ZDHHC16: variants seen among roughly 807,000 people sequenced by gnomAD.
ZDHHC16 encodes the protein palmitoyltransferase ZDHHC16.
ZDHHC16 carries 33 observed loss-of-function variants against 54.4 expected under a neutral mutation model. The observed-to-expected ratio is 0.61, with a 90% CI of 0.46 to 0.81. The LOEUF is 0.81. Among genes scored for constraint, ZDHHC16 ranks in the 30% least tolerant of loss-of-function variants. ZDHHC16 has a pLI of 0.00. For missense variants in ZDHHC16, 420 were observed against 485.9 expected, an observed-to-expected ratio of 0.86 and a Z score of 1.28; for synonymous variants, 185 against 182.1, an observed-to-expected ratio of 1.02 and a Z score of -0.13.
chr10:97,448,745 G>A (rs1380502000), intron 1 of ZDHHC16, among the ~76,000 whole-genome samples: 4 of 152,146 alleles, frequency 2.6e-5, no homozygotes, highest in Non-Finnish European at 4.4e-5. Context: ...GCAACAGAGC[G>A]AGACTTCATC....
intron 1 of ZDHHC16, among the ~76,000 whole-genome samples, 163 bp downstream of exon 1, chr10:97,446,516 C>G (rs531249989): frequency 1.9e-4 from 29 of 152,332 alleles, no homozygotes; most frequent in African/African-American, 5.1e-4. Flanking sequence ...GCAATCGTTA[C>G]GCTCAGAGCA....
Position 97,455,710 on chromosome 10 carries a change from T to A in ZDHHC16, c.875T>A (p.Ile292Asn). The A allele has an allele frequency of 6.2e-7, 1 of 1,614,178 alleles. No homozygotes were observed. Reference protein sequence around the residue: ...GALTVWHAVLISRGETSIERH... With the variant: ...GALTVWHAVLNSRGETSIERH... The stretch of plus-strand genomic sequence containing the variant: ...CTAACTGTATGGCATGCTGTTCTCA[T>A]CAGTCGAGGTGAGACTAGCATCGAA... The change falls in exon 10 of 12, where the codon ATC becomes AAC. Residue 292 changes from isoleucine to asparagine, a missense_variant. By Grantham distance (149) the Ile-to-Asn change is moderately radical (BLOSUM62 -3). Transcript: ENST00000393760.
Position 97,455,779 on chromosome 10 carries a change from G to A in ZDHHC16, c.944G>A (p.Gly315Asp). 6.2e-7 allele frequency: 1 copy of A among 1,614,106 alleles called. No homozygotes were observed. ...GAGAGACGTCGGCTACAGGCCAAGG[G>A]CAGAGTGAGTAGGGTTGAAGGCTCG... ...KKERRRLQAK[G>D]RVFRNPYNYG... The change falls in exon 10 of 12, where the codon GGC becomes GAC. Residue 315 changes from glycine to aspartate, a missense_variant. Coordinates refer to ENST00000393760, the MANE Select transcript of ZDHHC16 (RefSeq NM_198046.3).
intron 8 of ZDHHC16, among the ~76,000 whole-genome samples, chr10:97,454,070 C>T (rs1444029726): frequency 6.6e-6 from 1 of 152,226 alleles, no homozygotes; most frequent in Non-Finnish European, 1.5e-5. Flanking sequence ...TCTATCCCGT[C>T]ATCACCTCTC....
Position 97,455,245 on chromosome 10 carries a change from G to A in ZDHHC16, c.825-415G>A, listed in dbSNP as rs374746708. ...TTTACTACTTCCCACTATCTCCCAA[G>A]CATGGGTATTTTAGGAAATATAGAA... On this transcript the variant is annotated intron_variant, in intron 9 of 11. Coordinates refer to ENST00000393760, the MANE Select transcript of ZDHHC16 (RefSeq NM_198046.3). 2.0e-4 allele frequency among the ~76,000 whole-genome samples: 30 copies of A among 152,272 alleles called. 1 individual carries two copies. The highest frequency in any genetic ancestry group is 6.7e-4 in the African/African-American group (28 of 41,564).
rs35173837 is a variant in ZDHHC16 at position 97,449,861 on chromosome 10, C to CTTTTTTTTTT, written c.-185-484_-185-475dup. ...TCTCTTTTCTACACTCCCCTTAATTCTTTTTTTTTTTTTTTTTTTTTGAGA... is the reference window on the plus strand; with the variant it reads ...TCTCTTTTCTACACTCCCCTTAATTCTTTTTTTTTTTTTTTTTTTTTTTTTTTTTTTGAGA... On this transcript the variant is annotated intron_variant, in intron 1 of 11. Transcript: ENST00000393760. Among the ~76,000 whole-genome samples the CTTTTTTTTTT allele has an allele frequency of 3.2e-4, 26 of 81,528 alleles. 1 individual carries two copies. Among genetic ancestry groups the CTTTTTTTTTT allele is most frequent in the African/African-American group, 1.1e-3 (19 of 17,026 alleles). The allele number at this position is 81,528 out of a possible 152,430, so 53.5% of individuals were successfully genotyped here. A position where few individuals can be genotyped will look rare whatever the true frequency, so the allele number is the denominator to read the frequency against.
chr10:97,451,699 G>C lies in ZDHHC16; in HGVS notation c.24G>C (p.Leu8=). The C allele has an allele frequency of 6.2e-7, 1 of 1,611,712 alleles. No homozygotes were observed. The highest frequency in any genetic ancestry group is 8.5e-7 in the Non-Finnish European group (1 of 1,179,658). The part of the protein sequence containing the change: MRGQRSL[L]LGPARLCLRL... ...CCATGCGAGGCCAGCGGAGCCTGCT[G>C]CTGGGCCCGGCCCGCCTCTGCCTCC... The change falls in exon 3 of 12, where the codon CTG becomes CTC. Residue 8 remains leucine, a synonymous_variant. Coordinates refer to ENST00000393760, the MANE Select transcript of ZDHHC16 (RefSeq NM_198046.3).
At chr10:97,453,477 G>C in intron 6 of ZDHHC16, 53 bp from the exon 7 acceptor site, 1 of 1,596,392 alleles carries the variant, frequency 6.3e-7, no homozygotes, top group Non-Finnish European at 8.5e-7. Context: ...TGAGGGGCCT[G>C]GACACCGCCT....
At chr10:97,447,755 C>G (rs1214763145) in intron 1 of ZDHHC16, among the ~76,000 whole-genome samples, 3 of 152,072 alleles carry the variant, frequency 2.0e-5, no homozygotes, top group Non-Finnish European at 4.4e-5. Context: ...AACCCGGTCT[C>G]TACTAAAAAA....
chr10:97,453,029 TGAG>T, intron 6 of ZDHHC16, 106 bp downstream of exon 6: 7 of 1,458,588 alleles, frequency 4.8e-6, no homozygotes, highest in East Asian at 2.3e-5. Context: ...ACACTGGAGT[TGAG>T]GAGTTGTGGG....
At chr10:97,448,129 C>T (rs1369520526) in intron 1 of ZDHHC16, 1 of 152,210 alleles carries the variant, frequency 6.6e-6, no homozygotes, top group African/African-American at 2.4e-5. Context: ...TCAAAAACGA[C>T]TTCTAGCTCC....
chr10:97,454,854 A>T, intron 9 of ZDHHC16, 55 bp downstream of exon 9: 13 of 1,504,172 alleles, frequency 8.6e-6, no homozygotes, highest in Non-Finnish European at 1.1e-5. Context: ...AAAGTTTTTT[A>T]GGTGCCCACA....
chr10:97,451,574 AG>A (rs1846613282), intron 2 of ZDHHC16, 96 bp from the exon 3 acceptor site: 1 of 1,497,860 alleles, frequency 6.7e-7, no homozygotes, highest in Non-Finnish European at 8.9e-7. Context: ...TCTTAGTCTT[AG>A]GTCTTTGCCC....
chr10:97,456,200 G>A (rs1270973426), intron 11 of ZDHHC16, 156 bp downstream of exon 11: 2 of 737,294 alleles, frequency 2.7e-6, no homozygotes, highest in Non-Finnish European at 4.4e-6. Flanking sequence ...GAACCAGAAA[G>A]GCTTGAGGCC....
intron 2 of ZDHHC16, among the ~76,000 whole-genome samples, chr10:97,451,423 G>A (rs1005294464): frequency 2.0e-5 from 3 of 152,232 alleles, no homozygotes; most frequent in Non-Finnish European, 2.9e-5. Flanking sequence ...CAACCATGTG[G>A]TGTAATTTAA....
Position 97,447,630 on chromosome 10 carries a change from G to A in ZDHHC16, c.-186+1277G>A, listed in dbSNP as rs578126102. On this transcript the variant is annotated intron_variant, in intron 1 of 11. Coordinates refer to ENST00000393760, the MANE Select transcript of ZDHHC16 (RefSeq NM_198046.3). ...TTGCTTTACTTCTATTTCTTGAGAT[G>A]AAAAGTCTGGGCCAGGTGCGGTGGC... Among the ~76,000 whole-genome samples the A allele has an allele frequency of 3.3e-5, 5 of 152,248 alleles. No individual in the cohort carries two copies. The East Asian group carries it at 9.6e-4, about 29-fold the overall frequency.
intron 8 of ZDHHC16, 112 bp downstream of exon 8, chr10:97,453,958 C>A: frequency 7.0e-7 from 1 of 1,422,242 alleles, no homozygotes; most frequent in East Asian, 2.3e-5. Context: ...CGAGAGGCCA[C>A]TCTAGACCAG....
chr10:97,456,717 T>A (rs1847281786), intron 11 of ZDHHC16, 60 bp from the exon 12 acceptor site: 1 of 1,257,754 alleles, frequency 8.0e-7, no homozygotes, highest in East Asian at 2.6e-5. Flanking sequence ...TGTTAAGGAA[T>A]GATGATTGGG....
At chr10:97,454,062 T>C (rs1846927020) in intron 8 of ZDHHC16, among the ~76,000 whole-genome samples, 1 of 152,208 alleles carries the variant, frequency 6.6e-6, no homozygotes, top group African/African-American at 2.4e-5. Flanking sequence ...TTTGGCTATC[T>C]ATCCCGTCAT....
Sources: gnomAD v4.1 joint callset for allele counts (sites outside exome capture counted in the v4.1 genomes callset) on GRCh38, gnomAD v4.1.1 for gene constraint, MANE v1.5 for transcripts, NCBI Gene and HGNC (gene_info 2026-07-23, HGNC 2026-07-21) for gene names.